ADGRL3: variants seen among roughly 807,000 people sequenced by gnomAD.
ADGRL3 encodes the protein adhesion G protein-coupled receptor L3.
A neutral mutation model predicts 153.5 loss-of-function variants in ADGRL3; 62 were observed. The observed-to-expected ratio is 0.40, with a 90% CI of 0.33 to 0.50. ADGRL3 has a LOEUF of 0.50. ADGRL3 is among the 20% of genes least tolerant of loss of function. The pLI is 0.47. For missense variants in ADGRL3, 1,641 were observed against 1,859.4 expected, an observed-to-expected ratio of 0.88 and a Z score of 2.16; for synonymous variants, 710 against 672.5, an observed-to-expected ratio of 1.06 and a Z score of -0.86.
At chr4:61,933,772 T>G (rs996556815) in intron 13 of ADGRL3, 6 of 152,192 alleles carry the variant, frequency 3.9e-5, no homozygotes, top group Admixed American at 3.3e-4. Context: ...CACTGCATTG[T>G]GGAGGGTATT....
At chr4:61,888,601 G>C (rs1374048135) in intron 9 of ADGRL3, among the ~76,000 whole-genome samples, 4 of 152,186 alleles carry the variant, frequency 2.6e-5, no homozygotes, top group African/African-American at 9.6e-5. Context: ...TAAATGGAAG[G>C]ATGGGTATGG....
At chr4:61,973,206 A>G (rs1265706845) in intron 17 of ADGRL3, among the ~76,000 whole-genome samples, 2 of 151,668 alleles carry the variant, frequency 1.3e-5, no homozygotes, top group Non-Finnish European at 2.9e-5. Context: ...TGTGATTATT[A>G]TTTTTTTTAA....
intron 4 of ADGRL3, among the ~76,000 whole-genome samples, chr4:61,584,684 G>T (rs1289523009): frequency 6.6e-6 from 1 of 151,840 alleles, no homozygotes; most frequent in Non-Finnish European, 1.5e-5. Context: ...GGTTATAAAA[G>T]TTAAGAAACA....
intron 1 of ADGRL3, among the ~76,000 whole-genome samples, chr4:61,332,286 A>G (rs2095587578): frequency 1.3e-5 from 2 of 152,128 alleles, no homozygotes; most frequent in Non-Finnish European, 2.9e-5. Flanking sequence ...TGATACTCAG[A>G]AGTATAAGAA....
intron 1 of ADGRL3, among the ~76,000 whole-genome samples, chr4:61,347,599 A>G (rs2095947764): frequency 6.6e-6 from 1 of 152,116 alleles, no homozygotes; most frequent in Non-Finnish European, 1.5e-5. Flanking sequence ...GTAATGACTC[A>G]ATTCAAATGA....
intron 9 of ADGRL3, among the ~76,000 whole-genome samples, chr4:61,890,013 C>T (rs1337844935): frequency 3.9e-5 from 6 of 152,158 alleles, no homozygotes; most frequent in Non-Finnish European, 8.8e-5. Context: ...AACAGAGCTT[C>T]TATTTTACAA....
chr4:61,618,956 G>A (rs1401352979), intron 5 of ADGRL3, among the ~76,000 whole-genome samples: 2 of 152,106 alleles, frequency 1.3e-5, no homozygotes, highest in African/African-American at 2.4e-5. Context: ...AACGCAAACC[G>A]TCTGCCCTCC....
intron 2 of ADGRL3, among the ~76,000 whole-genome samples, chr4:61,488,786 C>T (rs962756628): frequency 6.6e-5 from 10 of 152,000 alleles, no homozygotes; most frequent in Admixed American, 5.2e-4. Flanking sequence ...TCATTGTGAA[C>T]TCCCACCATA....
At chr4:61,641,427 C>A (rs1419191420) in intron 5 of ADGRL3, among the ~76,000 whole-genome samples, 3 of 108,138 alleles carry the variant, frequency 2.8e-5, no homozygotes, top group African/African-American at 1.0e-4. Flanking sequence ...CCAATGCTAT[C>A]CCTCCCCCCT....
intron 9 of ADGRL3, among the ~76,000 whole-genome samples, chr4:61,875,874 A>G (rs569197066): frequency 1.4e-4 from 22 of 152,312 alleles, no homozygotes; most frequent in Non-Finnish European, 3.1e-4. Flanking sequence ...AGGAGACACC[A>G]GAATTTCTGT....
At chr4:61,794,104 G>A (rs1213137712) in intron 8 of ADGRL3, among the ~76,000 whole-genome samples, 1 of 152,100 alleles carries the variant, frequency 6.6e-6, no homozygotes, top group Non-Finnish European at 1.5e-5. Flanking sequence ...AGTCGTAGTG[G>A]GTAAGGTTAT....
At chr4:61,644,591 C>T (rs566210363) in intron 5 of ADGRL3, among the ~76,000 whole-genome samples, 7 of 152,186 alleles carry the variant, frequency 4.6e-5, no homozygotes, top group African/African-American at 4.8e-5. Flanking sequence ...TGTAGTTGAG[C>T]GGTTTTGCGT....
At chr4:61,930,974 GA>G (rs1283193812) in intron 13 of ADGRL3, among the ~76,000 whole-genome samples, 14 of 152,044 alleles carry the variant, frequency 9.2e-5, no homozygotes, top group African/African-American at 3.4e-4. Flanking sequence ...AATGTATAAG[GA>G]AATCCAAATA....
intron 4 of ADGRL3, among the ~76,000 whole-genome samples, chr4:61,525,830 G>T (rs1427497620): frequency 6.6e-6 from 1 of 151,932 alleles, no homozygotes; most frequent in East Asian, 1.9e-4. Context: ...GCCTTTTCAG[G>T]AAAAAAATAA....
intron 1 of ADGRL3, among the ~76,000 whole-genome samples, chr4:61,287,855 C>T (rs1241063204): frequency 6.6e-6 from 1 of 151,930 alleles, no homozygotes; most frequent in African/African-American, 2.4e-5. Flanking sequence ...GTTTGGAAAA[C>T]ATAACAAATT....
At chr4:62,006,051 A>G (rs2099158014) in intron 21 of ADGRL3, among the ~76,000 whole-genome samples, 1 of 86,528 alleles carries the variant, frequency 1.2e-5, no homozygotes, top group Non-Finnish European at 2.4e-5. Context: ...TTTTTTTGAG[A>G]AAGGGTTTTG....
intron 8 of ADGRL3, among the ~76,000 whole-genome samples, chr4:61,774,567 C>T (rs991835161): frequency 6.6e-6 from 1 of 151,552 alleles, no homozygotes; most frequent in Non-Finnish European, 1.5e-5. Context: ...AAATACTATA[C>T]CATTTTATAT....
At chr4:61,482,332 T>TA (rs2098139610) in intron 2 of ADGRL3, among the ~76,000 whole-genome samples, 1 of 152,224 alleles carries the variant, frequency 6.6e-6, no homozygotes, top group Admixed American at 6.5e-5. Flanking sequence ...ATATTAGCTT[T>TA]AAAGTATTCA....
chr4:61,549,409 A>C (rs555182781), intron 4 of ADGRL3, among the ~76,000 whole-genome samples: 38 of 152,058 alleles, frequency 2.5e-4, no homozygotes, highest in African/African-American at 8.9e-4. Flanking sequence ...TTTCAAGGGG[A>C]ATGCTTTCAG....
Sources: gnomAD v4.1 joint callset for allele counts (sites outside exome capture counted in the v4.1 genomes callset) on GRCh38, gnomAD v4.1.1 for gene constraint, MANE v1.5 for transcripts, NCBI Gene and HGNC (gene_info 2026-07-23, HGNC 2026-07-21) for gene names.